Variants in LDLRAD4 observed in about 807,000 individuals in gnomAD.
LDLRAD4 encodes low density lipoprotein receptor class A domain containing 4.
LDLRAD4 carries 5 observed loss-of-function variants against 17.0 expected under a neutral mutation model. The ratio of observed to expected loss-of-function variants is 0.29; its 90% confidence interval spans 0.15 to 0.62. The LOEUF (loss-of-function observed/expected upper bound fraction) is 0.62, where lower values mean the gene tolerates loss of function less well. Ranked by LOEUF, LDLRAD4 falls within the 20% of genes least tolerant of loss-of-function variation. The pLI is 0.84. For synonymous variants in LDLRAD4, 168 were observed against 171.8 expected, an observed-to-expected ratio of 0.98 and a Z score of 0.17; for missense variants, 340 against 424.7, an observed-to-expected ratio of 0.80 and a Z score of 1.75.
At chr18:13,356,393 C>G (rs2083345626) in intron 1 of LDLRAD4, among the ~76,000 whole-genome samples, 1 of 152,168 alleles carries the variant, frequency 6.6e-6, no homozygotes, top group East Asian at 1.9e-4. Flanking sequence ...GCTAGTGTAG[C>G]TTATTTGAGA....
chr18:13,437,621 C>T (rs1356292561), intron 2 of LDLRAD4, among the ~76,000 whole-genome samples: 1 of 152,176 alleles, frequency 6.6e-6, no homozygotes, highest in African/African-American at 2.4e-5. Flanking sequence ...GGCCCTTTAG[C>T]AGAAAGCACA....
At chr18:13,545,624 G>A (rs1404693922) in intron 3 of LDLRAD4, among the ~76,000 whole-genome samples, 5 of 152,138 alleles carry the variant, frequency 3.3e-5, no homozygotes, top group Non-Finnish European at 7.3e-5. Context: ...TCTAGCAGCC[G>A]GCCATGAGCA....
intron 1 of LDLRAD4, chr18:13,382,857 G>A (rs1441877351): frequency 6.6e-6 from 1 of 152,338 alleles, no homozygotes; most frequent in Non-Finnish European, 1.5e-5. Flanking sequence ...CCCAGGGTCA[G>A]TCCTGCTCTC....
intron 1 of LDLRAD4, among the ~76,000 whole-genome samples, chr18:13,219,949 T>A (rs2041360725): frequency 6.6e-6 from 1 of 152,254 alleles, no homozygotes; most frequent in Admixed American, 6.5e-5. Context: ...CTTTGTACTC[T>A]GCACAATTCT....
intron 3 of LDLRAD4, among the ~76,000 whole-genome samples, chr18:13,511,148 G>A (rs138713506): frequency 9.2e-5 from 14 of 152,246 alleles, no homozygotes; most frequent in African/African-American, 3.4e-4. Context: ...GCCTGCAGAA[G>A]GAAGAGGAGA....
intron 4 of LDLRAD4, among the ~76,000 whole-genome samples, chr18:13,628,981 C>T (rs2041420242): frequency 4.6e-5 from 7 of 152,180 alleles, no homozygotes; most frequent in Admixed American, 4.6e-4. Context: ...TAGGCACGCG[C>T]AACCATGCCT....
At chr18:13,539,800 T>G (rs909006091) in intron 3 of LDLRAD4, among the ~76,000 whole-genome samples, 1 of 152,232 alleles carries the variant, frequency 6.6e-6, no homozygotes, top group East Asian at 1.9e-4. Flanking sequence ...CACTGTCTAA[T>G]TATAATTCTT....
intron 3 of LDLRAD4, among the ~76,000 whole-genome samples, chr18:13,535,187 A>G (rs1352153750): frequency 6.6e-6 from 1 of 152,196 alleles, no homozygotes; most frequent in African/African-American, 2.4e-5. Context: ...TTTCTTTGTT[A>G]AATACCTGAG....
intron 4 of LDLRAD4, among the ~76,000 whole-genome samples, chr18:13,633,617 C>A (rs1438432798): frequency 6.6e-6 from 1 of 152,178 alleles, no homozygotes; most frequent in Non-Finnish European, 1.5e-5. Flanking sequence ...ACACACCTGG[C>A]CAAATTGTGA....
chr18:13,253,885 G>A (rs1048125505), intron 1 of LDLRAD4, among the ~76,000 whole-genome samples: 3 of 152,142 alleles, frequency 2.0e-5, no homozygotes, highest in Non-Finnish European at 4.4e-5. Context: ...CGCCTCCCTC[G>A]CCTGCTCACC....
chr18:13,450,235 A>G (rs3859301), intron 3 of LDLRAD4, among the ~76,000 whole-genome samples: 57,516 of 148,428 alleles, frequency 0.39, 11,566 homozygotes, highest in East Asian at 0.63. Flanking sequence ...GCCTCCTCTC[A>G]CCCTTCTGGT....
intron 3 of LDLRAD4, among the ~76,000 whole-genome samples, chr18:13,464,106 A>C (rs1425663909): frequency 6.6e-6 from 1 of 152,198 alleles, no homozygotes; most frequent in Admixed American, 6.5e-5. Context: ...TGAGCTATTT[A>C]CTGGGTAACA....
At chr18:13,315,867 A>G (rs2080905815) in intron 1 of LDLRAD4, among the ~76,000 whole-genome samples, 1 of 152,180 alleles carries the variant, frequency 6.6e-6, no homozygotes, top group African/African-American at 2.4e-5. Context: ...GAAATGAAGA[A>G]TTAAATATAA....
At chr18:13,634,099 C>T (rs1391435859) in intron 4 of LDLRAD4, among the ~76,000 whole-genome samples, 3 of 152,226 alleles carry the variant, frequency 2.0e-5, no homozygotes, top group South Asian at 2.1e-4. Flanking sequence ...CCACAGCTTA[C>T]ATCATACTTA....
At chr18:13,649,695 C>G (rs1290766227) in exon 6 of LDLRAD4, 1 of 195,682 alleles carries the variant, frequency 5.1e-6, no homozygotes, top group Non-Finnish European at 1.0e-5. Flanking sequence ...GCAACATTAA[C>G]TTTGTGTACC....
Position 13,645,615 on chromosome 18 carries a change from ACC to A in LDLRAD4, c.881_882del (p.Pro294HisfsTer6). 1 of 1,531,100 alleles carries A rather than the reference ACC, an allele frequency of 6.5e-7. No homozygotes were observed. The highest frequency in any genetic ancestry group is 8.8e-7 in the Non-Finnish European group (1 of 1,139,528). 94.8% of individuals were successfully genotyped at this position (1,531,100 alleles called of 1,614,324 possible). On this transcript the variant is annotated frameshift_variant, in exon 6 of 6. Coordinates refer to ENST00000359446, the Ensembl canonical transcript of LDLRAD4. LOFTEE classifies it high-confidence loss of function. This position sits in a 1 kb window ranked among gnomAD's most constrained non-coding sequence, Gnocchi z 5.7. ...AGAACAATGCAGAGAGCACAATAGT[ACC>A]CATCAAAGGCAAAGATAGGAAGCCT...
chr18:13,288,166 A>G (rs1456947395), intron 1 of LDLRAD4, among the ~76,000 whole-genome samples: 2 of 152,248 alleles, frequency 1.3e-5, no homozygotes, highest in East Asian at 3.8e-4. Context: ...TTTAATCAGT[A>G]AAATGTCTGG....
chr18:13,434,866 C>G (rs1263501101), intron 2 of LDLRAD4, among the ~76,000 whole-genome samples: 1 of 152,204 alleles, frequency 6.6e-6, no homozygotes, highest in Non-Finnish European at 1.5e-5. Flanking sequence ...TGTGAGCTAC[C>G]TCTTTCTCAG....
intron 3 of LDLRAD4, among the ~76,000 whole-genome samples, chr18:13,457,106 G>A (rs1335287582): frequency 1.3e-5 from 2 of 152,380 alleles, no homozygotes; most frequent in East Asian, 1.9e-4. Context: ...AGGCCGGGGG[G>A]TCAGTCCCCA....
Sources: gnomAD v4.1 joint callset for allele counts (sites outside exome capture counted in the v4.1 genomes callset) on GRCh38, gnomAD v4.1.1 for gene constraint, Gnocchi (gnomAD v3.1) non-coding constraint, MANE v1.5 for transcripts, NCBI Gene and HGNC (gene_info 2026-07-23, HGNC 2026-07-21) for gene names.